ANAPC2: variants seen among roughly 807,000 people sequenced by gnomAD.
ANAPC2 encodes the protein anaphase promoting complex subunit 2.
A neutral mutation model predicts 84.3 loss-of-function variants in ANAPC2; 29 were observed. The observed-to-expected ratio is 0.34, with a 90% CI of 0.26 to 0.47. The LOEUF (loss-of-function observed/expected upper bound fraction) is 0.47. Among genes scored for constraint, ANAPC2 ranks in the 20% least tolerant of loss-of-function variants. The probability of loss-of-function intolerance (pLI) is 1.00; values close to 1 mark genes in which losing one functional copy is unlikely to be tolerated. For synonymous variants in ANAPC2, 571 were observed against 479.4 expected (o/e 1.19, Z -2.50); for missense variants, 857 against 1,131.7 (o/e 0.76, Z 3.48).
chr9:137,175,311 C>G lies in ANAPC2; in HGVS notation c.2182G>C (p.Val728Leu). ...CTCTCGTCGTCACTGTCAATGAGCA[C>G]CATGTTGTCCCGGTCCTGAGGCCGC... ...EERPQDRDNM[V>L]LIDSDDESDS... The change falls in exon 12 of 13, where the codon GTG becomes CTG. Residue 728 changes from valine (V) to leucine (L), a missense_variant. By Grantham distance (32) the Val-to-Leu change is conservative. Transcript: ENST00000323927. The G allele has an allele frequency of 3.1e-6, 5 of 1,612,706 alleles. No homozygotes were observed. The highest frequency in any genetic ancestry group is 3.4e-6 in the Non-Finnish European group (4 of 1,179,884).
rs766461870 is a variant in ANAPC2 at position 137,184,952 on chromosome 9, C to T, written c.1009G>A (p.Ala337Thr). The T allele has an allele frequency of 1.9e-6, 3 of 1,612,576 alleles. No individual in the cohort carries two copies. Among genetic ancestry groups the T allele is most frequent in the South Asian group, 1.1e-5 (1 of 90,998 alleles). ...HVQRFFYRIY[A>T]SLRIEELFSI... ...AAGAGCTCCTCGATGCGCAGGCTGG[C>T]GTAGATGCGGTAGAAGAACCTTTGC... Residue 337 changes from alanine (A) to threonine (T), a missense_variant, in exon 4 of 13, where the codon GCC becomes ACC. Physicochemically the swap from Ala to Thr is moderately conservative, Grantham distance 58. Around this residue, in one of 3 missense-constraint regions of ANAPC2, gnomAD observed 428 missense variants for 513.8 expected, o/e 0.83. Coordinates refer to ENST00000323927, the MANE Select transcript of ANAPC2 (RefSeq NM_013366.4).
chr9:137,185,109 G>A, intron 3 of ANAPC2, 22 bp from the exon 4 acceptor site: 1 of 1,503,540 alleles, frequency 6.7e-7, no homozygotes. Flanking sequence ...ACGCTAGTGT[G>A]AGCTGCAGGG....
At chr9:137,188,226 C>G (rs1834521850) in intron 1 of ANAPC2, 123 bp from the exon 2 acceptor site, 1 of 1,390,216 alleles carries the variant, frequency 7.2e-7, no homozygotes, top group African/African-American at 1.4e-5. Context: ...GCTGCCCGGA[C>G]GTTGGGCCGA....
Position 137,174,924 on chromosome 9 carries a change from G to GGGCGGGCA in ANAPC2, c.*17_*18insTGCCCGCC, listed in dbSNP as rs1364517480. On this transcript the variant is annotated 3_prime_UTR_variant, in exon 13 of 13. Transcript: ENST00000323927. The surrounding 1 kb of genome is among the most constrained non-coding windows in gnomAD (Gnocchi z 6.1). ...GCAGGGCAGCGCCTGGCGGGCGGGC[G>GGGCGGGCA]GGCGGGCGGGCGATGTGTCAGCTGC... The GGGCGGGCA allele has an allele frequency of 2.7e-6, 4 of 1,493,472 alleles. No individual in the cohort carries two copies. In the African/African-American group the frequency reaches 4.2e-5, roughly 16 times the overall value. 92.5% of individuals were successfully genotyped at this position (1,493,472 alleles called of 1,614,324 possible).
intron 10 of ANAPC2, among the ~76,000 whole-genome samples, chr9:137,177,329 G>A (rs563420470): frequency 7.9e-6 from 1 of 126,898 alleles, no homozygotes; most frequent in Non-Finnish European, 1.7e-5. Context: ...TTTCCTCCCA[G>A]TTTTCCCTTT....
intron 2 of ANAPC2, chr9:137,187,067 C>A (rs1449828848): frequency 5.1e-6 from 1 of 196,650 alleles, no homozygotes; most frequent in Non-Finnish European, 1.1e-5. Context: ...ACTGCTTGCC[C>A]TCACAGTGAC....
intron 10 of ANAPC2, chr9:137,176,738 C>G (rs189856116): frequency 6.6e-6 from 1 of 152,262 alleles, no homozygotes; most frequent in Middle Eastern, 3.1e-3. Context: ...TACTGGGAAC[C>G]GGAGGAGGCA....
intron 8 of ANAPC2, 68 bp downstream of exon 8, chr9:137,180,720 C>A: frequency 2.5e-6 from 4 of 1,585,818 alleles, no homozygotes; most frequent in Non-Finnish European, 3.4e-6. Context: ...CGTCAGGGCC[C>A]TGTCCCGAGA....
intron 6 of ANAPC2, 38 bp from the exon 7 acceptor site, chr9:137,181,900 C>A (rs1273098449): frequency 6.4e-7 from 1 of 1,571,804 alleles, no homozygotes; most frequent in Admixed American, 1.7e-5. Flanking sequence ...ACAGTGTGGA[C>A]ACCCCGCGCG....
rs370825540 is a variant in ANAPC2 at position 137,180,421 on chromosome 9, C to T, written c.1686+31G>A. On this transcript the variant is annotated intron_variant, in intron 9 of 12. Transcript: ENST00000323927. ...CCGGTGTCACGGGGGACCTGCGGGG[C>T]GGCCGGGCAGCGGGCGGGGCTGGGA... 49 of 1,612,396 alleles carry T rather than the reference C, an allele frequency of 3.0e-5. No individual in the cohort carries two copies. The African/African-American group carries it at 3.7e-4, about 12-fold the overall frequency.
rs1834320599 is a variant in ANAPC2, at chr9:137,180,482, G to A, written c.1656C>T (p.Ala552=). Residue 552 remains alanine (A), a synonymous_variant, in exon 9 of 13, where the codon GCC becomes GCT. Transcript: ENST00000323927. ...GCATGACTTCACAGAAGTGCATTGG[G>A]GCCTCGCCAAAGCGCAGCTTCAGCA... ...VELLKLRFGE[A]PMHFCEVMLK... is the part of the protein sequence containing the mutation. 6.2e-7 allele frequency: 1 copy of A among 1,612,912 alleles called. No individual in the cohort carries two copies. The highest frequency in any genetic ancestry group is 1.7e-5 in the Admixed American group (1 of 60,012).
chr9:137,183,887 T>G, intron 4 of ANAPC2, 96 bp from the exon 5 acceptor site: 1 of 1,525,204 alleles, frequency 6.6e-7, no homozygotes. Context: ...GGACACGTGC[T>G]TGCCAGCCCC....
intron 3 of ANAPC2, 71 bp from the exon 4 acceptor site, chr9:137,185,158 G>T: frequency 7.1e-7 from 1 of 1,409,150 alleles, no homozygotes. Context: ...AGGCTGGGAG[G>T]AGCCTCACGG....
rs574320106 is a variant in ANAPC2, at chr9:137,175,053, T to A, written c.2358A>T (p.Ala786=). The A allele has an allele frequency of 2.5e-6, 4 of 1,606,192 alleles. No individual in the cohort carries two copies. The East Asian group carries it at 9.0e-5, about 36-fold the overall frequency. The change falls in exon 13 of 13, where the codon GCA becomes GCT. Residue 786 remains alanine (A), a synonymous_variant. Transcript: ENST00000323927. ...GCTCCTGCAGGTCAATCTCGGCCAG[T>A]GCAGGCCCAGTCACCACAAACATGC... The part of the protein sequence containing the change: ...MLRMFVVTGP[A]LAEIDLQELQ...
Position 137,181,675 on chromosome 9 carries a change from G to C in ANAPC2, c.1468+6C>G. ...TGGTGAAAGGGACCATGTGGGGCAA[G>C]CTAACCTGGATCGGCATCCACAGGG... is the stretch of plus-strand genomic sequence containing the variant. On this transcript the variant is annotated splice_donor_region_variant and intron_variant, in intron 7 of 12. Coordinates refer to ENST00000323927, the MANE Select transcript of ANAPC2 (RefSeq NM_013366.4). 1 of 1,589,410 alleles carries C rather than the reference G, an allele frequency of 6.3e-7. No homozygotes were observed. The highest frequency in any genetic ancestry group is 8.6e-7 in the Non-Finnish European group (1 of 1,164,362).
At position 137,180,589 on chromosome 9, in the gene ANAPC2, G is replaced by A. The variant is rs1834322611; in HGVS notation, c.1611-62C>T. 1.2e-5 allele frequency: 20 copies of A among 1,604,678 alleles called. No homozygotes were observed. In the South Asian group the frequency reaches 2.1e-4, roughly 17 times the overall value. ...AGCCCCAGCCCCAAGGAGCACCTGTGGCAGGGCACGGGGGTGCCCCCCAGG... is the reference window on the plus strand; with the variant it reads ...AGCCCCAGCCCCAAGGAGCACCTGTAGCAGGGCACGGGGGTGCCCCCCAGG... On this transcript the variant is annotated intron_variant, in intron 8 of 12. Coordinates refer to ENST00000323927, the MANE Select transcript of ANAPC2 (RefSeq NM_013366.4).
At chr9:137,184,822 A>C in intron 4 of ANAPC2, 91 bp downstream of exon 4, 1 of 1,489,684 alleles carries the variant, frequency 6.7e-7, no homozygotes, top group Non-Finnish European at 9.1e-7. Flanking sequence ...AGGCACAGGG[A>C]GCCCAGATGC....
At position 137,180,055 on chromosome 9, in the gene ANAPC2, C is replaced by T. The variant is rs909463260; in HGVS notation, c.1890+126G>A. ...ACTCCCTCTCCTGCAGAGGCGGCTG[C>T]GAGACAGGACCAACCCAGAGACACT... On this transcript the variant is annotated intron_variant, in intron 10 of 12. Transcript: ENST00000323927. 16 of 1,077,226 alleles carry T rather than the reference C, an allele frequency of 1.5e-5. No individual in the cohort carries two copies. In the Middle Eastern group the frequency reaches 8.9e-4, roughly 60 times the overall value. The allele number at this position is 1,077,226 out of a possible 1,614,324, so 66.7% of individuals were successfully genotyped here. A position where few individuals can be genotyped will look rare whatever the true frequency, so the allele number is the denominator to read the frequency against.
chr9:137,187,485 C>A lies in ANAPC2; in HGVS notation c.736G>T (p.Val246Phe). 1 of 1,604,956 alleles carries A rather than the reference C, an allele frequency of 6.2e-7. No individual in the cohort carries two copies. The highest frequency in any genetic ancestry group is 8.5e-7 in the Non-Finnish European group (1 of 1,173,024). ...ALEQFHQLSQ[V>F]LHRLSLLERV... ...CCATCGGGACAGACTACTCACAAGACCTGGCTGAGCTGATGGAACTGCTCC... is the reference window on the plus strand; with the variant it reads ...CCATCGGGACAGACTACTCACAAGAACTGGCTGAGCTGATGGAACTGCTCC... Residue 246 changes from valine (V) to phenylalanine (F), a missense_variant, in exon 2 of 13, where the codon GTC becomes TTC. Transcript: ENST00000323927.
Sources: gnomAD v4.1 joint callset for allele counts (sites outside exome capture counted in the v4.1 genomes callset) on GRCh38, gnomAD v4.1.1 for gene constraint, gnomAD v4.1.1 regional missense constraint, Gnocchi (gnomAD v3.1) non-coding constraint, MANE v1.5 for transcripts, NCBI Gene and HGNC (gene_info 2026-07-23, HGNC 2026-07-21) for gene names.